The following HGSNAT variants were observed in gnomAD, a reference collection of about 807,000 sequenced individuals.
HGSNAT encodes heparan-alpha-glucosaminide N-acetyltransferase.
In HGSNAT, 59 loss-of-function variants were observed where a neutral mutation model predicts 85.2. The ratio of observed to expected loss-of-function variants is 0.69; its 90% CI spans 0.56 to 0.86. The LOEUF is 0.86. HGSNAT is among the 40% of genes least tolerant of loss of function. The pLI is 0.00. For synonymous variants in HGSNAT, 321 were observed against 304.5 expected (o/e 1.05, Z -0.56); for missense variants, 756 against 777.1 (o/e 0.97, Z 0.32).
At chr8:43,158,020 AATGT>A (rs1175241377) in intron 2 of HGSNAT, among the ~76,000 whole-genome samples, 1 of 152,224 alleles carries the variant, frequency 6.6e-6, no homozygotes, top group African/African-American at 2.4e-5. Flanking sequence ...TGCAAGACTT[AATGT>A]ATGTTCTACT....
chr8:43,144,085 C>T (rs143748404), intron 1 of HGSNAT, among the ~76,000 whole-genome samples: 13 of 151,812 alleles, frequency 8.6e-5, no homozygotes, highest in African/African-American at 1.9e-4. Flanking sequence ...TTTGGGAGGT[C>T]GAGGTGGGCA....
At chr8:43,140,661 G>A in intron 1 of HGSNAT, 47 bp downstream of exon 1, 3 of 996,362 alleles carry the variant, frequency 3.0e-6, no homozygotes, top group South Asian at 2.8e-5. Context: ...CGAGCGCAGC[G>A]TCTCCTCTCC....
chr8:43,195,772 AGAG>A lies in HGSNAT; in HGVS notation c.1465-1165_1465-1163del, dbSNP rs753437318. ...GAGGAGGAGGAGGGGTAGAGGAAGA[AGAG>A]GAGGAGGAGGGTGTGGAAGAGGAGT... On this transcript the variant is annotated intron_variant, in intron 14 of 17. Transcript: ENST00000379644. The A allele has an allele frequency of 9.8e-4, 151 of 153,326 alleles. 1 individual carries two copies. The highest frequency in any genetic ancestry group is 4.5e-3 in the Admixed American group (67 of 14,838). 9.5% of individuals were successfully genotyped at this position (153,326 alleles called of 1,614,324 possible).
chr8:43,198,821 TAA>T (rs1298769746), intron 17 of HGSNAT, among the ~76,000 whole-genome samples: 1 of 152,236 alleles, frequency 6.6e-6, no homozygotes, highest in African/African-American at 2.4e-5. Flanking sequence ...CTAGAAAATA[TAA>T]GTTATTAATA....
chr8:43,164,878 ATTG>A (rs1202062808), intron 5 of HGSNAT, among the ~76,000 whole-genome samples: 1 of 151,926 alleles, frequency 6.6e-6, no homozygotes, highest in East Asian at 1.9e-4. Flanking sequence ...TAATTTCAAT[ATTG>A]TTGTATCTGA....
chr8:43,153,482 C>T (rs932101375), intron 2 of HGSNAT, among the ~76,000 whole-genome samples: 1 of 151,960 alleles, frequency 6.6e-6, no homozygotes. Flanking sequence ...TGTGAGCCAC[C>T]GTGCCCAGCC....
intron 5 of HGSNAT, chr8:43,167,889 T>C: frequency 4.1e-6 from 1 of 242,984 alleles, no homozygotes; most frequent in Admixed American, 5.5e-5. Flanking sequence ...TAAATCAATT[T>C]AATGTTATCT....
intron 6 of HGSNAT, 74 bp from the exon 7 acceptor site, chr8:43,170,506 CAAAGA>C: frequency 8.2e-7 from 1 of 1,226,642 alleles, no homozygotes; most frequent in South Asian, 1.3e-5. Context: ...CAAAACAAAA[CAAAGA>C]AATCAAAAAA....
intron 2 of HGSNAT, among the ~76,000 whole-genome samples, chr8:43,157,804 A>G (rs983580591): frequency 2.6e-5 from 4 of 152,144 alleles, no homozygotes; most frequent in African/African-American, 9.7e-5. Context: ...AAAACAAAAA[A>G]GTAATAAGAA....
intron 1 of HGSNAT, among the ~76,000 whole-genome samples, 195 bp from the exon 2 acceptor site, chr8:43,146,753 G>C (rs1802726983): frequency 6.6e-6 from 1 of 151,910 alleles, no homozygotes; most frequent in Admixed American, 6.6e-5. Flanking sequence ...GCATGTGTGT[G>C]TGTGCACATG....
At chr8:43,170,767 T>G in intron 7 of HGSNAT, 73 bp downstream of exon 7, 1 of 940,386 alleles carries the variant, frequency 1.1e-6, no homozygotes, top group East Asian at 2.7e-5. Context: ...ACACACACTT[T>G]TAGCTTTTAA....
chr8:43,173,364 C>A (rs1373542703), intron 8 of HGSNAT, among the ~76,000 whole-genome samples: 3 of 151,322 alleles, frequency 2.0e-5, no homozygotes, highest in Non-Finnish European at 2.9e-5. Context: ...GGCTGGAGTG[C>A]AATGGCGCGA....
At chr8:43,157,424 T>A (rs1803125826) in intron 2 of HGSNAT, among the ~76,000 whole-genome samples, 2 of 152,138 alleles carry the variant, frequency 1.3e-5, no homozygotes, top group South Asian at 4.1e-4. Flanking sequence ...AAAATGACTA[T>A]TTTTTTAATC....
At chr8:43,141,204 G>C (rs1407530455) in intron 1 of HGSNAT, among the ~76,000 whole-genome samples, 1 of 152,198 alleles carries the variant, frequency 6.6e-6, no homozygotes, top group Non-Finnish European at 1.5e-5. Context: ...GGAGAAGGCG[G>C]TGGGGGCGCG....
In HGSNAT at chr8:43,196,999, C is replaced by G; in HGVS notation, c.1516C>G (p.Arg506Gly). The change falls in exon 15 of 18, where the codon CGA (arginine) becomes GGA (glycine). Residue 506 changes from arginine to glycine, a missense_variant. Physicochemically the swap from Arg to Gly is moderately radical, Grantham distance 125 (BLOSUM62 -2). Transcript: ENST00000379644. ...GGCTCGGACCAAAGACATCCTGATT[C>G]GATTCACTGCTTGGTGTTGTATTCT... ...YKARTKDILI[R>G]FTAWCCILGL... 6.2e-7 allele frequency: 1 copy of G among 1,611,522 alleles called. No individual in the cohort carries two copies. Among genetic ancestry groups the G allele is most frequent in the South Asian group, 1.1e-5 (1 of 90,936 alleles).
At chr8:43,164,352 GGCAACCCTGCATCCA>G (rs1183206769) in intron 5 of HGSNAT, among the ~76,000 whole-genome samples, 1 of 152,110 alleles carries the variant, frequency 6.6e-6, no homozygotes, top group Non-Finnish European at 1.5e-5. Flanking sequence ...GAAGGTTCGT[GGCAACCCTGCATCCA>G]GCAATTCTTT....
At chr8:43,164,925 T>A (rs1399728286) in intron 5 of HGSNAT, among the ~76,000 whole-genome samples, 1 of 151,836 alleles carries the variant, frequency 6.6e-6, no homozygotes, top group Non-Finnish European at 1.5e-5. Flanking sequence ...GGGAGGGAGA[T>A]GGAGGAACAG....
chr8:43,198,187 G>A (rs1413241982), intron 17 of HGSNAT, among the ~76,000 whole-genome samples: 1 of 151,310 alleles, frequency 6.6e-6, no homozygotes, highest in Non-Finnish European at 1.5e-5. Flanking sequence ...TGGAGTCGTT[G>A]TATGACAGTT....
At chr8:43,140,732 C>T in intron 1 of HGSNAT, 118 bp downstream of exon 1, 1 of 355,098 alleles carries the variant, frequency 2.8e-6, no homozygotes, top group Admixed American at 5.8e-5. Flanking sequence ...GAACCGCCCC[C>T]GTGGCCTGGG....
Sources: allele counts gnomAD v4.1 joint callset (sites outside exome capture counted in the v4.1 genomes callset), GRCh38; gene constraint gnomAD v4.1.1; transcripts MANE v1.5; gene names NCBI Gene and HGNC (gene_info 2026-07-23, HGNC 2026-07-21).